SMR3A: variants seen among roughly 807,000 people sequenced by gnomAD.
The protein encoded by SMR3A is submaxillary gland androgen-regulated protein 3A.
For synonymous variants in SMR3A, 48 were observed against 57.4 expected (o/e 0.84, Z 0.74); for missense variants, 188 against 163.0 (o/e 1.15, Z -0.84).
At chr4:70,364,505 C>CAG (rs5859226) in intron 2 of SMR3A, among the ~76,000 whole-genome samples, 98,512 of 151,550 alleles carry the variant, frequency 0.65, 33,310 homozygotes, top group East Asian at 0.82. Context: ...GCAGATATTA[C>CAG]TTGCAGAAAG....
rs1245851983 is a variant in SMR3A at position 70,366,953 on chromosome 4, A to G, written c.364A>G (p.Asn122Asp). 6.2e-7 allele frequency: 1 copy of G among 1,613,364 alleles called. No individual in the cohort carries two copies. The highest frequency in any genetic ancestry group is 1.1e-5 in the South Asian group (1 of 91,040). ...ACCTGGACCTCCATTTTTCCCTGTAAATTCTCCAACTGATCCTGCCCTCCC... is the reference window on the plus strand; with the variant it reads ...ACCTGGACCTCCATTTTTCCCTGTAGATTCTCCAACTGATCCTGCCCTCCC... The part of the protein sequence containing the change: ...YPPGPPFFPV[N>D]SPTDPALPTP... Residue 122 changes from asparagine to aspartate, a missense_variant, in exon 3 of 3, where the codon AAT becomes GAT. Transcript: ENST00000226460.
At chr4:70,365,621 A>G (rs930583958) in intron 2 of SMR3A, among the ~76,000 whole-genome samples, 1 of 151,978 alleles carries the variant, frequency 6.6e-6, no homozygotes, top group Non-Finnish European at 1.5e-5. Flanking sequence ...CACTCATTCC[A>G]TTCATTTCAC....
chr4:70,367,067 C>A lies in SMR3A; in HGVS notation c.*73C>A. 1.5e-6 allele frequency: 2 copies of A among 1,305,394 alleles called. No individual in the cohort carries two copies. The highest frequency in any genetic ancestry group is 2.2e-6 in the Non-Finnish European group (2 of 923,038). The allele number at this position is 1,305,394 out of a possible 1,614,324, so 80.9% of individuals were successfully genotyped here. On this transcript the variant is annotated 3_prime_UTR_variant, in exon 3 of 3. Transcript: ENST00000226460. The stretch of plus-strand genomic sequence containing the variant: ...CCCTCGTAACTACTGCTTCTACTAC[C>A]CAAAAATAAGAATTTCAACACTACT...
chr4:70,366,872 C>T lies in SMR3A; in HGVS notation c.283C>T (p.Pro95Ser), dbSNP rs1732276664. The change falls in exon 3 of 3, where the codon CCT becomes TCT. Residue 95 changes from proline to serine, a missense_variant. Coordinates refer to ENST00000226460, the MANE Select transcript of SMR3A (RefSeq NM_012390.4). ...AGGGAGAATTCAATCACACTCTCTT[C>T]CTCCTCCTTATGGCCCAGGTTATCC... ...GPGRIQSHSLPPPYGPGYPQP... is the reference protein window; with the variant it reads ...GPGRIQSHSLSPPYGPGYPQP... 6.2e-7 allele frequency: 1 copy of T among 1,613,698 alleles called. No individual in the cohort carries two copies. The highest frequency in any genetic ancestry group is 8.5e-7 in the Non-Finnish European group (1 of 1,179,806).
chr4:70,365,280 T>G (rs1186983838), intron 2 of SMR3A, among the ~76,000 whole-genome samples: 1 of 152,054 alleles, frequency 6.6e-6, no homozygotes. Context: ...TCTTATTATG[T>G]TGTCCAGGTT....
intron 2 of SMR3A, among the ~76,000 whole-genome samples, chr4:70,362,532 T>G (rs1461427613): frequency 6.6e-6 from 1 of 151,780 alleles, no homozygotes; most frequent in Admixed American, 6.6e-5. Flanking sequence ...TTATTAAAAA[T>G]ATAGTATTAA....
chr4:70,366,403 G>A (rs980034349), intron 2 of SMR3A, among the ~76,000 whole-genome samples: 5 of 151,878 alleles, frequency 3.3e-5, no homozygotes, highest in Admixed American at 1.3e-4. Context: ...GCCACAACAC[G>A]GCATCTTGAT....
At chr4:70,363,603 G>A (rs185649201) in intron 2 of SMR3A, among the ~76,000 whole-genome samples, 59 of 152,010 alleles carry the variant, frequency 3.9e-4, no homozygotes, top group African/African-American at 1.4e-3. Context: ...TGAGAGGGGA[G>A]TGTTTCTTCC....
intron 2 of SMR3A, among the ~76,000 whole-genome samples, chr4:70,365,279 G>C (rs1193460906): frequency 6.6e-6 from 1 of 151,916 alleles, no homozygotes; most frequent in Admixed American, 6.6e-5. Flanking sequence ...GTCTTATTAT[G>C]TTGTCCAGGT....
Position 70,367,136 on chromosome 4 carries a change from A to T in SMR3A, c.*142A>T. The T allele has an allele frequency of 1.4e-6, 1 of 738,836 alleles. No homozygotes were observed. Among genetic ancestry groups the T allele is most frequent in the South Asian group, 1.9e-5 (1 of 53,362 alleles). 45.8% of individuals were successfully genotyped at this position (738,836 alleles called of 1,614,324 possible). ...AAAATCACTTCCATTTTTGGATGAGAATAAAGATTTCCAAAGCACTGAGCT... is the reference window on the plus strand; with the variant it reads ...AAAATCACTTCCATTTTTGGATGAGTATAAAGATTTCCAAAGCACTGAGCT... On this transcript the variant is annotated 3_prime_UTR_variant, in exon 3 of 3. Transcript: ENST00000226460.
intron 1 of SMR3A, among the ~76,000 whole-genome samples, 192 bp downstream of exon 1, chr4:70,361,034 G>T (rs929267368): frequency 6.6e-6 from 1 of 151,818 alleles, no homozygotes; most frequent in Non-Finnish European, 1.5e-5. Context: ...GGGCATTGAG[G>T]ACAATTAGTC....
chr4:70,366,654 G>A lies in SMR3A; in HGVS notation c.65G>A (p.Ser22Asn). The change falls in exon 3 of 3, where the codon AGT (serine) becomes AAT (asparagine). Residue 22 changes from serine (S) to asparagine (N), a missense_variant. Transcript: ENST00000226460. Reference protein sequence around the residue: ...ALAACFTPGESQRGPRGPYPP... With the variant: ...ALAACFTPGENQRGPRGPYPP... ...TCTTTGTTTCCACAGCCTGGTGAGA[G>A]TCAAAGAGGCCCCAGGGGACCATAT... The A allele has an allele frequency of 2.5e-6, 4 of 1,606,218 alleles. 1 individual carries two copies. The highest frequency in any genetic ancestry group is 4.5e-5 in the East Asian group (2 of 44,722).
At position 70,362,169 on chromosome 4, in the gene SMR3A, A is replaced by G; in HGVS notation, c.54A>G (p.Thr18=). The stretch of plus-strand genomic sequence containing the variant: ...TTTGGGCTCTTGCAGCGTGTTTCAC[A>G]GTAAGTATCATTAATCACGATCACA... ...LGLWALAACF[T]PGESQRGPRG... Residue 18 remains threonine (T), a splice_region_variant and synonymous_variant, in exon 2 of 3, where the codon ACA becomes ACG. Transcript: ENST00000226460. 1 of 1,611,820 alleles carries G rather than the reference A, an allele frequency of 6.2e-7. No individual in the cohort carries two copies. The highest frequency in any genetic ancestry group is 1.7e-5 in the Admixed American group (1 of 59,902).
At chr4:70,366,575 A>T (rs962179040) in intron 2 of SMR3A, 69 bp from the exon 3 acceptor site, 1 of 1,409,026 alleles carries the variant, frequency 7.1e-7, no homozygotes, top group Admixed American at 2.2e-5. Context: ...CTTACCATAG[A>T]AACCATTCAC....
At chr4:70,362,229 A>G in intron 2 of SMR3A, 60 bp downstream of exon 2, 11 of 1,607,132 alleles carry the variant, frequency 6.8e-6, no homozygotes, top group Non-Finnish European at 9.4e-6. Flanking sequence ...ATTACTTCAG[A>G]TTTCTTTTTA....
At position 70,366,740 on chromosome 4, in the gene SMR3A, C is replaced by T. The variant is rs778011892; in HGVS notation, c.151C>T (p.Pro51Ser). Residue 51 changes from proline to serine, a missense_variant, in exon 3 of 3, where the codon CCA becomes TCA. Pro to Ser is a moderately conservative substitution (Grantham distance 74). Transcript: ENST00000226460. Reference protein sequence around the residue: ...PCFPFGTGFVPPPHPPPYGPG... With the variant: ...PCFPFGTGFVSPPHPPPYGPG... Reference sequence around the variant, plus strand: ...TTTTCCTTTTGGAACAGGATTTGTTCCACCACCCCATCCTCCACCCTATGG... The same window carrying T: ...TTTTCCTTTTGGAACAGGATTTGTTTCACCACCCCATCCTCCACCCTATGG... 1 of 1,612,268 alleles carries T rather than the reference C, an allele frequency of 6.2e-7. No homozygotes were observed. Among genetic ancestry groups the T allele is most frequent in the Admixed American group, 1.7e-5 (1 of 59,874 alleles).
chr4:70,363,244 A>G (rs1052463769), intron 2 of SMR3A, among the ~76,000 whole-genome samples: 2 of 151,996 alleles, frequency 1.3e-5, no homozygotes, highest in Non-Finnish European at 2.9e-5. Flanking sequence ...GAGCTTTCCA[A>G]TAATATAAGC....
At chr4:70,364,049 G>T (rs1732204921) in intron 2 of SMR3A, among the ~76,000 whole-genome samples, 1 of 151,918 alleles carries the variant, frequency 6.6e-6, no homozygotes, top group African/African-American at 2.4e-5. Flanking sequence ...ACTTTTACCG[G>T]CATGTTAAGG....
At chr4:70,362,364 A>G (rs1195328920) in intron 2 of SMR3A, among the ~76,000 whole-genome samples, 195 bp downstream of exon 2, 1 of 151,896 alleles carries the variant, frequency 6.6e-6, no homozygotes. Flanking sequence ...TCTGATGGCT[A>G]CAATACTGGA....
Sources: allele counts gnomAD v4.1 joint callset (sites outside exome capture counted in the v4.1 genomes callset), GRCh38; gene constraint gnomAD v4.1.1; transcripts MANE v1.5; gene names NCBI Gene and HGNC (gene_info 2026-07-23, HGNC 2026-07-21).